The following PPM1B variants were observed in gnomAD, a reference collection of about 807,000 sequenced individuals.
PPM1B encodes protein phosphatase, Mg2+/Mn2+ dependent 1B.
In PPM1B, 22 loss-of-function variants were observed where a neutral mutation model predicts 43.0. That is an observed-to-expected ratio of 0.51 (90% CI 0.37 to 0.73). The LOEUF is 0.73. Among genes scored for constraint, PPM1B ranks in the 30% least tolerant of loss-of-function variants. PPM1B has a pLI of 0.00. For synonymous variants in PPM1B, 217 were observed against 197.9 expected, an observed-to-expected ratio of 1.10 and a Z score of -0.81; for missense variants, 632 against 584.2, an observed-to-expected ratio of 1.08 and a Z score of -0.84.
downstream of PPM1B, chr2:44,233,763 C>T (rs977626521): frequency 3.6e-5 from 35 of 985,572 alleles, no homozygotes; most frequent in Non-Finnish European, 4.2e-5. Context: ...ATTTATTGTG[C>T]ACCTGATTTT....
chr2:44,206,254 T>C (rs1669183295), intron 2 of PPM1B, among the ~76,000 whole-genome samples: 1 of 152,246 alleles, frequency 6.6e-6, no homozygotes, highest in Non-Finnish European at 1.5e-5. Flanking sequence ...TTTATGGACT[T>C]AGTGAAAACT....
At chr2:44,194,227 A>G (rs781639488) in intron 1 of PPM1B, among the ~76,000 whole-genome samples, 2 of 151,650 alleles carry the variant, frequency 1.3e-5, no homozygotes, top group Non-Finnish European at 2.9e-5. Flanking sequence ...AGCTCCTCAT[A>G]TTTAAGTGTA....
In PPM1B at chr2:44,194,489, C is replaced by T. The variant is rs368637776; in HGVS notation, c.-14-6697C>T. 1.8e-3 allele frequency among the ~76,000 whole-genome samples: 279 copies of T among 151,764 alleles called. 1 individual carries two copies. The highest frequency in any genetic ancestry group is 6.5e-3 in the African/African-American group (268 of 41,410). ...CTGTAATCCCAGCACTTTGGGAGGC[C>T]GAGGCGGGCGGATCACGATGTCAGG... is the stretch of plus-strand genomic sequence containing the variant. On this transcript the variant is annotated intron_variant, in intron 1 of 5. Transcript: ENST00000282412.
chr2:44,195,232 C>T (rs527965138), intron 1 of PPM1B, among the ~76,000 whole-genome samples: 1 of 148,362 alleles, frequency 6.7e-6, no homozygotes, highest in East Asian at 2.0e-4. Context: ...GAGACAGGGA[C>T]TCACTGTGTC....
intron 1 of PPM1B, among the ~76,000 whole-genome samples, chr2:44,180,708 T>C (rs1017253483): frequency 6.6e-6 from 1 of 152,004 alleles, no homozygotes; most frequent in Non-Finnish European, 1.5e-5. Flanking sequence ...ACTTCTGGGC[T>C]CAAGCTATCC....
downstream of PPM1B, among the ~76,000 whole-genome samples, chr2:44,245,933 G>A (rs986476500): frequency 4.6e-5 from 7 of 152,144 alleles, no homozygotes; most frequent in South Asian, 2.1e-4. Context: ...CAAACTCTGC[G>A]CTTGAATTAT....
intron 1 of PPM1B, among the ~76,000 whole-genome samples, chr2:44,178,100 TG>T (rs1459925775): frequency 2.6e-5 from 4 of 151,564 alleles, no homozygotes; most frequent in Non-Finnish European, 5.9e-5. Flanking sequence ...GTGTTTTTTT[TG>T]TAGAGATGAG....
chr2:44,174,501 T>G (rs1477136677), intron 1 of PPM1B, among the ~76,000 whole-genome samples: 3 of 152,224 alleles, frequency 2.0e-5, no homozygotes, highest in Non-Finnish European at 4.4e-5. Flanking sequence ...AAAAGTACAT[T>G]TGTGTGCTAG....
At chr2:44,210,019 G>A (rs902608918) in intron 3 of PPM1B, among the ~76,000 whole-genome samples, 4 of 152,052 alleles carry the variant, frequency 2.6e-5, no homozygotes, top group African/African-American at 4.8e-5. Context: ...CTAGTAGTAA[G>A]TGGAGAATCC....
Position 44,230,790 on chromosome 2 carries a change from A to G in PPM1B, c.*72A>G, listed in dbSNP as rs946599148. ...TAGGAAGTGTAATGTATGCATTTAT[A>G]TAACTGTTTTGTTATTTGAATCTTG... On this transcript the variant is annotated 3_prime_UTR_variant, in exon 6 of 6. Transcript: ENST00000282412. The G allele has an allele frequency of 5.9e-6, 9 of 1,523,036 alleles. No homozygotes were observed. The highest frequency in any genetic ancestry group is 7.9e-6 in the Non-Finnish European group (9 of 1,137,434). 94.3% of individuals were successfully genotyped at this position (1,523,036 alleles called of 1,614,324 possible).
At chr2:44,239,159 A>G (rs1249442353), downstream of PPM1B, among the ~76,000 whole-genome samples, 3 of 143,678 alleles carry the variant, frequency 2.1e-5, no homozygotes, top group Non-Finnish European at 4.5e-5. Flanking sequence ...GGGTAACAGA[A>G]TGAGACCCTG....
At chr2:44,213,386 C>T (rs1238169870) in intron 3 of PPM1B, among the ~76,000 whole-genome samples, 8 of 148,168 alleles carry the variant, frequency 5.4e-5, no homozygotes, top group Non-Finnish European at 8.9e-5. Context: ...ATATAACTTA[C>T]GATGATGGTA....
chr2:44,217,779 C>G, intron 3 of PPM1B, 188 bp from the exon 4 acceptor site: 1 of 393,436 alleles, frequency 2.5e-6, no homozygotes, highest in Non-Finnish European at 4.6e-6. Context: ...CTTTTTTCCC[C>G]CTGCATAGCA....
Position 44,179,610 on chromosome 2 carries a change from C to T in PPM1B, c.-15+10336C>T, listed in dbSNP as rs548971225. Among the ~76,000 whole-genome samples the T allele has an allele frequency of 7.2e-4, 110 of 152,126 alleles. No homozygotes were observed. The Middle Eastern group carries it at 0.027, about 38-fold the overall frequency. ...AGGCATAAATATGGAATTACTTTGC[C>T]GTTGGAATGCAGGTGTTTATTTTGT... On this transcript the variant is annotated intron_variant, in intron 1 of 5. Coordinates refer to ENST00000282412, the MANE Select transcript of PPM1B (RefSeq NM_002706.6).
chr2:44,241,022 A>G (rs1402449139), intron 5 of PPM1B, among the ~76,000 whole-genome samples: 1 of 128,246 alleles, frequency 7.8e-6, no homozygotes, highest in Admixed American at 7.6e-5. Context: ...TTTTTTTTTG[A>G]GACGGAGTTT....
At chr2:44,191,006 C>G (rs1344105645) in intron 1 of PPM1B, among the ~76,000 whole-genome samples, 2 of 152,178 alleles carry the variant, frequency 1.3e-5, no homozygotes, top group African/African-American at 2.4e-5. Flanking sequence ...ATTTAACAGA[C>G]ATTAACATTT....
chr2:44,239,015 A>G (rs1018649370), downstream of PPM1B, among the ~76,000 whole-genome samples: 9 of 151,932 alleles, frequency 5.9e-5, no homozygotes, highest in Non-Finnish European at 1.2e-4. Flanking sequence ...GAAAACAAAC[A>G]AAACAGAAAA....
intron 5 of PPM1B, among the ~76,000 whole-genome samples, chr2:44,223,102 G>C (rs1670049133): frequency 6.6e-6 from 1 of 152,140 alleles, no homozygotes; most frequent in Non-Finnish European, 1.5e-5. Context: ...AAAGTTCTGG[G>C]ATTACAGACG....
chr2:44,235,420 A>G (rs947548885), downstream of PPM1B, among the ~76,000 whole-genome samples: 2 of 152,136 alleles, frequency 1.3e-5, no homozygotes, highest in African/African-American at 2.4e-5. Context: ...CCTGACCAAC[A>G]TGGAGAAACC....
Sources: gnomAD v4.1 joint callset for allele counts (sites outside exome capture counted in the v4.1 genomes callset) on GRCh38, gnomAD v4.1.1 for gene constraint, MANE v1.5 for transcripts, NCBI Gene and HGNC (gene_info 2026-07-23, HGNC 2026-07-21) for gene names.